The following TMEM178B variants were observed in gnomAD, a reference collection of about 807,000 sequenced individuals.
TMEM178B encodes transmembrane protein 178B.
TMEM178B carries 5 observed loss-of-function variants against 31.0 expected under a neutral mutation model. The observed-to-expected ratio is 0.16, with a 90% CI of 0.08 to 0.34. The LOEUF (loss-of-function observed/expected upper bound fraction) is 0.34. Among genes scored for constraint, TMEM178B ranks in the 10% least tolerant of loss-of-function variants. TMEM178B has a pLI of 1.00. For synonymous variants in TMEM178B, 164 were observed against 164.0 expected (o/e 1.00, Z 0.00); for missense variants, 275 against 400.3 (o/e 0.69, Z 2.67).
chr7:141,447,519 T>C (rs967935685), intron 3 of TMEM178B, among the ~76,000 whole-genome samples: 3 of 152,126 alleles, frequency 2.0e-5, no homozygotes, highest in Admixed American at 6.5e-5. Context: ...GGGCAGGGGC[T>C]GATGGACTGA....
chr7:141,389,599 A>G (rs1456833994), intron 2 of TMEM178B, among the ~76,000 whole-genome samples: 1 of 152,192 alleles, frequency 6.6e-6, no homozygotes, highest in East Asian at 1.9e-4. Context: ...ATAATAACAC[A>G]CTAGTGCACC....
intron 3 of TMEM178B, among the ~76,000 whole-genome samples, chr7:141,468,646 G>T (rs1802186725): frequency 6.6e-6 from 1 of 152,220 alleles, no homozygotes; most frequent in Non-Finnish European, 1.5e-5. Context: ...CAAATTTAGT[G>T]AGGCAGTGTC....
chr7:141,484,249 A>T (rs77328707), downstream of TMEM178B, among the ~76,000 whole-genome samples: 506 of 152,324 alleles, frequency 3.3e-3, 10 homozygotes, highest in Non-Finnish European at 4.6e-3. The surrounding 1 kb of genome is among the most constrained non-coding windows in gnomAD (Gnocchi z 4.8). Context: ...AATATTTTTA[A>T]TTCAGGAGAG....
intron 2 of TMEM178B, among the ~76,000 whole-genome samples, chr7:141,277,973 A>G (rs1184547917): frequency 1.3e-5 from 2 of 152,266 alleles, no homozygotes; most frequent in African/African-American, 4.8e-5. Flanking sequence ...ATATGAAGAT[A>G]TGAAGAGTCA....
chr7:141,212,866 G>T, intron 2 of TMEM178B, 162 bp downstream of exon 2: 1 of 547,362 alleles, frequency 1.8e-6, no homozygotes, highest in Non-Finnish European at 3.2e-6. Flanking sequence ...TGCCTCAGTT[G>T]GTTTTGATTG....
At position 141,215,777 on chromosome 7, in the gene TMEM178B, C is replaced by CCTTCCTTTCTTTCTTT. The variant is rs1479407874; in HGVS notation, c.496+3076_496+3077insCCTTTCTTTCTTTCTT. ...TGGTTAAATTTGAATTATATACTTT[C>CCTTCCTTTCTTTCTTT]CTTTCTTTCTTTCTTTCTTTCTTTC... On this transcript the variant is annotated intron_variant, in intron 2 of 3. Transcript: ENST00000565468. 9.8e-5 allele frequency among the ~76,000 whole-genome samples: 11 copies of CCTTCCTTTCTTTCTTT among 112,130 alleles called. No homozygotes were observed. The East Asian group carries it at 1.2e-3, about 12-fold the overall frequency. 73.6% of individuals were successfully genotyped at this position (112,130 alleles called of 152,430 possible). A position where few individuals can be genotyped will look rare whatever the true frequency, so the allele number is the denominator to read the frequency against.
At chr7:141,455,260 T>C (rs941527013) in intron 3 of TMEM178B, among the ~76,000 whole-genome samples, 3 of 152,216 alleles carry the variant, frequency 2.0e-5, no homozygotes, top group Non-Finnish European at 4.4e-5. Flanking sequence ...CAGGTTGTGA[T>C]AGGCTTCCCT....
At chr7:141,117,162 C>A (rs183006997) in intron 1 of TMEM178B, among the ~76,000 whole-genome samples, 3 of 152,348 alleles carry the variant, frequency 2.0e-5, no homozygotes, top group Non-Finnish European at 4.4e-5. Flanking sequence ...TTCTCCACAT[C>A]CTCTCCAGCA....
chr7:141,268,424 C>A (rs1362927034), intron 2 of TMEM178B, among the ~76,000 whole-genome samples: 1 of 152,226 alleles, frequency 6.6e-6, no homozygotes, highest in African/African-American at 2.4e-5. Context: ...ATGAAGCCTG[C>A]AGCAGCAGGT....
chr7:141,110,643 A>C (rs1348192145), intron 1 of TMEM178B, among the ~76,000 whole-genome samples: 1 of 152,172 alleles, frequency 6.6e-6, no homozygotes. Context: ...ATAAATCTTG[A>C]CTGAGCGAGT....
At chr7:141,096,516 G>A (rs1794963035) in intron 1 of TMEM178B, among the ~76,000 whole-genome samples, 1 of 152,158 alleles carries the variant, frequency 6.6e-6, no homozygotes, top group Non-Finnish European at 1.5e-5. Context: ...CCCCTGTGTT[G>A]GTGGCCAATT....
chr7:141,488,898 T>A, the TMEM178B span, among the ~76,000 whole-genome samples: 3 of 149,974 alleles, frequency 2.0e-5, no homozygotes, highest in Non-Finnish European at 1.5e-5. Context: ...TTAAATTTAA[T>A]TTTTTTCCCC....
intron 1 of TMEM178B, among the ~76,000 whole-genome samples, chr7:141,110,193 C>T (rs962910201): frequency 3.9e-5 from 6 of 152,128 alleles, no homozygotes; most frequent in African/African-American, 1.2e-4. Flanking sequence ...ATTCATTCAA[C>T]AGTTGTATGA....
At chr7:141,211,992 G>A (rs1042608665) in intron 1 of TMEM178B, among the ~76,000 whole-genome samples, 1 of 152,092 alleles carries the variant, frequency 6.6e-6, no homozygotes, top group Admixed American at 6.6e-5. Context: ...TTTGACAATC[G>A]ACTAGTAAAG....
At chr7:141,331,105 G>A (rs182436842) in intron 2 of TMEM178B, among the ~76,000 whole-genome samples, 10 of 152,288 alleles carry the variant, frequency 6.6e-5, no homozygotes, top group South Asian at 4.1e-4. Flanking sequence ...GACATTTGGC[G>A]TGCCTATTGG....
chr7:141,456,290 C>T (rs1005859052), intron 3 of TMEM178B, among the ~76,000 whole-genome samples: 3 of 152,122 alleles, frequency 2.0e-5, no homozygotes, highest in Admixed American at 1.3e-4. Context: ...TCTGGTCCTA[C>T]CCCTGTATTT....
intron 2 of TMEM178B, among the ~76,000 whole-genome samples, chr7:141,327,332 C>A (rs1447574177): frequency 6.6e-6 from 1 of 152,126 alleles, no homozygotes; most frequent in East Asian, 1.9e-4. Flanking sequence ...TTTTCTGGAG[C>A]AGTTTTAGTT....
intron 1 of TMEM178B, among the ~76,000 whole-genome samples, chr7:141,092,443 G>T (rs1014019720): frequency 3.3e-5 from 5 of 152,166 alleles, no homozygotes; most frequent in Non-Finnish European, 5.9e-5. Flanking sequence ...TACAGGTGAG[G>T]TCCTAGGTCC....
At chr7:141,371,070 G>A (rs988121662) in intron 2 of TMEM178B, among the ~76,000 whole-genome samples, 1 of 152,198 alleles carries the variant, frequency 6.6e-6, no homozygotes, top group Non-Finnish European at 1.5e-5. Flanking sequence ...TCCCATGTAG[G>A]CAGATCTATG....
Sources: allele counts gnomAD v4.1 joint callset (sites outside exome capture counted in the v4.1 genomes callset), GRCh38; gene constraint gnomAD v4.1.1; non-coding constraint Gnocchi (gnomAD v3.1); transcripts MANE v1.5; gene names NCBI Gene and HGNC (gene_info 2026-07-23, HGNC 2026-07-21).